Variants in PCDHA8 observed in about 807,000 individuals in gnomAD.
PCDHA8 encodes protocadherin alpha 8.
A neutral mutation model predicts 61.8 loss-of-function variants in PCDHA8; 53 were observed. The observed-to-expected ratio is 0.86, with a 90% CI of 0.69 to 1.08. The LOEUF (loss-of-function observed/expected upper bound fraction) is 1.08, where lower values mean the gene tolerates loss of function less well. Among genes scored for constraint, PCDHA8 ranks in the 50% least tolerant of loss-of-function variants. The probability of loss-of-function intolerance (pLI) is 0.00; values close to 1 mark genes in which losing one functional copy is unlikely to be tolerated. For missense variants in PCDHA8, 1,293 were observed against 1,245.0 expected, an observed-to-expected ratio of 1.04 and a Z score of -0.58; for synonymous variants, 618 against 556.6, an observed-to-expected ratio of 1.11 and a Z score of -1.55.
intron 1 of PCDHA8, among the ~76,000 whole-genome samples, chr5:140,872,601 AAAT>A (rs1346815805): frequency 2.6e-5 from 4 of 152,140 alleles, no homozygotes; most frequent in African/African-American, 7.2e-5. Flanking sequence ...CCATCTGAAA[AAAT>A]AATTTTTTTT....
Position 140,843,565 on chromosome 5 carries a change from G to T in PCDHA8, c.2244G>T (p.Trp748Cys). Residue 748 changes from tryptophan to cysteine, a missense_variant, in exon 1 of 4, where the codon TGG becomes TGT. By Grantham distance (215) the Trp-to-Cys change is radical. Transcript: ENST00000531613. ...TGTGCTCCAGTGCGGTGGGGAGCTG[G>T]TCATACTCGCAACAACAGCCGCAGA... ...TLVCSSAVGS[W>C]SYSQQQPQRV... 6.3e-7 allele frequency: 1 copy of T among 1,595,918 alleles called. No homozygotes were observed. The highest frequency in any genetic ancestry group is 1.1e-5 in the South Asian group (1 of 90,504).
chr5:140,847,199 C>A (rs2150397998), intron 1 of PCDHA8, among the ~76,000 whole-genome samples: 1 of 149,422 alleles, frequency 6.7e-6, no homozygotes, highest in Non-Finnish European at 1.5e-5. Context: ...AGGAATTTGG[C>A]CACTCTTTAG....
At chr5:140,931,975 T>C (rs2087911858) in intron 1 of PCDHA8, among the ~76,000 whole-genome samples, 1 of 151,962 alleles carries the variant, frequency 6.6e-6, no homozygotes, top group Non-Finnish European at 1.5e-5. Flanking sequence ...CATATGTGTT[T>C]ATATTTTGCT....
At chr5:140,898,751 A>G (rs2066956971) in intron 1 of PCDHA8, among the ~76,000 whole-genome samples, 1 of 152,050 alleles carries the variant, frequency 6.6e-6, no homozygotes, top group Admixed American at 6.6e-5. Context: ...CTTGATGGGG[A>G]TGGCATTGAA....
At position 140,856,940 on chromosome 5, in the gene PCDHA8, AC is replaced by A. The variant is rs782681005; in HGVS notation, c.2394+13226del. ...AAGGAAATTTTGGATAAACGAAAGGACGGGAGAAATAAAAGTAAATGATGCT... is the reference window on the plus strand; with the variant it reads ...AAGGAAATTTTGGATAAACGAAAGGAGGGAGAAATAAAAGTAAATGATGCT... On this transcript the variant is annotated intron_variant, in intron 1 of 3. Transcript: ENST00000531613. The A allele has an allele frequency of 1.9e-5, 30 of 1,593,712 alleles. No individual in the cohort carries two copies. In the South Asian group the frequency reaches 3.3e-4, roughly 18 times the overall value.
chr5:140,905,334 C>A (rs2071752505), intron 1 of PCDHA8, among the ~76,000 whole-genome samples: 1 of 152,144 alleles, frequency 6.6e-6, no homozygotes, highest in East Asian at 1.9e-4. Context: ...TGTTGAAGAT[C>A]AGTTGGCTGT....
At position 140,982,704 on chromosome 5, in the gene PCDHA8, C is replaced by T. The variant is rs1393323812; in HGVS notation, c.2542+141C>T. ...CTTTTTTCCATACATACATGATTTCCTTACATATATGATTATTTTGATTTT... is the reference window on the plus strand; with the variant it reads ...CTTTTTTCCATACATACATGATTTCTTTACATATATGATTATTTTGATTTT... On this transcript the variant is annotated intron_variant, in intron 3 of 3. Coordinates refer to ENST00000531613, the MANE Select transcript of PCDHA8 (RefSeq NM_018911.3). 8 of 1,377,410 alleles carry T rather than the reference C, an allele frequency of 5.8e-6. No homozygotes were observed. In the African/African-American group the frequency reaches 1.2e-4, roughly 20 times the overall value. The allele number at this position is 1,377,410 out of a possible 1,614,324, so 85.3% of individuals were successfully genotyped here. A position where few individuals can be genotyped will look rare whatever the true frequency, so the allele number is the denominator to read the frequency against.
At chr5:140,912,613 T>C in intron 1 of PCDHA8, among the ~76,000 whole-genome samples, 1 of 152,290 alleles carries the variant, frequency 6.6e-6, no homozygotes, top group Middle Eastern at 3.4e-3. Flanking sequence ...TCTTGTCTGA[T>C]TACTCTGGAT....
At chr5:140,994,573 C>A (rs1587629172) in intron 3 of PCDHA8, among the ~76,000 whole-genome samples, 1 of 152,000 alleles carries the variant, frequency 6.6e-6, no homozygotes, top group African/African-American at 2.4e-5. Context: ...GGTGTGGTGG[C>A]ATGCACTTGT....
At chr5:140,870,796 C>T in intron 1 of PCDHA8, 1 of 1,613,694 alleles carries the variant, frequency 6.2e-7, no homozygotes, top group Non-Finnish European at 8.5e-7. Flanking sequence ...GCCGGCACTG[C>T]TGGCGACTCA....
rs782120132 is a variant in PCDHA8, at chr5:140,884,464, C to T, written c.2394+40749C>T. On this transcript the variant is annotated intron_variant, in intron 1 of 3. Coordinates refer to ENST00000531613, the MANE Select transcript of PCDHA8 (RefSeq NM_018911.3). ...CGGCACCGCCCACCGAGGGCGCGTG[C>T]GCGCCGGGCAAGCCCACTCTAGTGT... 51 of 1,613,768 alleles carry T rather than the reference C, an allele frequency of 3.2e-5. 1 individual carries two copies. In the East Asian group the frequency reaches 9.6e-4, roughly 30 times the overall value.
chr5:140,929,225 C>T (rs1249117880), intron 1 of PCDHA8: 2 of 1,613,724 alleles, frequency 1.2e-6, no homozygotes, highest in Non-Finnish European at 1.7e-6. Flanking sequence ...TACAATGCTG[C>T]CGACCTGCGA....
chr5:141,010,201 C>A lies in PCDHA8; in HGVS notation c.*264C>A, dbSNP rs782495760. On this transcript the variant is annotated 3_prime_UTR_variant, in exon 4 of 4. Transcript: ENST00000531613. ...GCAGACCCAAGTTTCCTTTCTCCTC[C>A]GCCGCAAAGGAGAGGCTTCCCAGCC... 5.0e-5 allele frequency: 77 copies of A among 1,551,916 alleles called. No individual in the cohort carries two copies. The highest frequency in any genetic ancestry group is 6.1e-5 in the Non-Finnish European group (70 of 1,147,084).
chr5:140,910,514 T>C (rs1246361505), intron 1 of PCDHA8, among the ~76,000 whole-genome samples: 1 of 152,218 alleles, frequency 6.6e-6, no homozygotes, highest in African/African-American at 2.4e-5. Flanking sequence ...TCTTCAAGGA[T>C]GCAGGTACTC....
intron 1 of PCDHA8, chr5:140,858,543 A>AT: frequency 7.1e-7 from 1 of 1,400,318 alleles, no homozygotes; most frequent in Admixed American, 2.0e-5. Flanking sequence ...TCTACATTCC[A>AT]TTTATGCTTG....
intron 1 of PCDHA8, among the ~76,000 whole-genome samples, chr5:140,953,061 G>A (rs919542084): frequency 2.0e-5 from 3 of 152,064 alleles, no homozygotes; most frequent in African/African-American, 7.2e-5. Flanking sequence ...CCTCTCACAG[G>A]CCCCATCTCC....
intron 1 of PCDHA8, chr5:140,884,714 C>A: frequency 1.4e-6 from 2 of 1,471,312 alleles, no homozygotes; most frequent in Non-Finnish European, 9.0e-7. Context: ...GCCTTCCTTG[C>A]AGTTGTTTGT....
chr5:140,979,241 G>A (rs766062040), intron 2 of PCDHA8, among the ~76,000 whole-genome samples: 4 of 152,150 alleles, frequency 2.6e-5, no homozygotes, highest in Non-Finnish European at 5.9e-5. Context: ...CACAGAAACA[G>A]GCTGCTATGT....
At chr5:140,914,393 C>A (rs1338816793) in intron 1 of PCDHA8, among the ~76,000 whole-genome samples, 1 of 152,080 alleles carries the variant, frequency 6.6e-6, no homozygotes, top group Non-Finnish European at 1.5e-5. Context: ...AGTGTAGTTA[C>A]CCCTGCTCCT....
Sources: gnomAD v4.1 joint callset for allele counts (sites outside exome capture counted in the v4.1 genomes callset) on GRCh38, gnomAD v4.1.1 for gene constraint, MANE v1.5 for transcripts, NCBI Gene and HGNC (gene_info 2026-07-23, HGNC 2026-07-21) for gene names.